The following PATL2 variants were observed in gnomAD, a reference collection of about 807,000 sequenced individuals.
PATL2 encodes the protein protein PAT1 homolog 2.
Under a neutral mutation model 77.0 loss-of-function variants are expected in PATL2, and 73 were observed. That is an observed-to-expected ratio of 0.95 (90% CI 0.78 to 1.15). PATL2 has a LOEUF of 1.15. Among genes scored for constraint, PATL2 ranks in the 50% most tolerant of loss-of-function variants. The probability of loss-of-function intolerance (pLI) is 0.00; values close to 1 mark genes in which losing one functional copy is unlikely to be tolerated. For missense variants in PATL2, 618 were observed against 655.4 expected, an observed-to-expected ratio of 0.94 and a Z score of 0.62; for synonymous variants, 265 against 257.1, an observed-to-expected ratio of 1.03 and a Z score of -0.29.
intron 3 of PATL2, among the ~76,000 whole-genome samples, chr15:44,691,660 CAA>C (rs551878031): frequency 1.3e-4 from 13 of 100,080 alleles, no homozygotes; most frequent in African/African-American, 2.4e-4. Context: ...GACTCTGTCT[CAA>C]AAAAAAAAAA....
At chr15:44,672,558 C>G (rs1179311075) in intron 7 of PATL2, 102 bp from the exon 8 acceptor site, 6 of 1,184,898 alleles carry the variant, frequency 5.1e-6, no homozygotes, top group Non-Finnish European at 7.2e-6. Context: ...ATCTAAGGAA[C>G]CTTATCTGTT....
rs2085341993 is a variant in PATL2, at chr15:44,665,861, C to T, written c.*92G>A. On this transcript the variant is annotated 3_prime_UTR_variant, in exon 18 of 18. Coordinates refer to ENST00000682850, the MANE Select transcript of PATL2 (RefSeq NM_001387263.1). ...CAATATATAAAGGCATAAGAAATGT[C>T]TTCAGACTCTCTGGATCCCTGTAAA... 5 of 1,549,158 alleles carry T rather than the reference C, an allele frequency of 3.2e-6. No homozygotes were observed. Among genetic ancestry groups the T allele is most frequent in the Non-Finnish European group, 4.4e-6 (5 of 1,146,006 alleles).
Position 44,711,279 on chromosome 15 carries a change from C to A in PATL2, c.-513G>T. The A allele has an allele frequency of 5.1e-6, 3 of 588,490 alleles. No individual in the cohort carries two copies. In the East Asian group the frequency reaches 8.6e-5, roughly 17 times the overall value. The allele number at this position is 588,490 out of a possible 1,614,324, so 36.5% of individuals were successfully genotyped here. A position where few individuals can be genotyped will look rare whatever the true frequency, so the allele number is the denominator to read the frequency against. ...TAGAATGAGCGCCCGGTGTCCCAAG[C>A]TGGGGCGCGCACCCCAGATCGGAGG... On this transcript the variant is annotated 5_prime_UTR_variant, in exon 1 of 18. Coordinates refer to ENST00000682850, the MANE Select transcript of PATL2 (RefSeq NM_001387263.1).
chr15:44,700,944 A>G (rs1424452765), intron 3 of PATL2, among the ~76,000 whole-genome samples: 1 of 152,052 alleles, frequency 6.6e-6, no homozygotes, highest in Non-Finnish European at 1.5e-5. Context: ...TGTTCCTTCT[A>G]TGTCCAGTTT....
chr15:44,669,922 C>G, intron 10 of PATL2, 45 bp downstream of exon 10: 2 of 1,550,360 alleles, frequency 1.3e-6, no homozygotes, highest in Non-Finnish European at 1.7e-6. Context: ...ACACTCTGTC[C>G]ACCCAGATGC....
At chr15:44,675,994 C>A in intron 4 of PATL2, 1 of 412,586 alleles carries the variant, frequency 2.4e-6, no homozygotes, top group South Asian at 3.6e-5. Flanking sequence ...TCAGCCTGGG[C>A]AACACAGTGA....
Position 44,675,549 on chromosome 15 carries a change from G to A in PATL2, c.159C>T (p.Asp53=), listed in dbSNP as rs1463489623. 58 of 1,551,730 alleles carry A rather than the reference G, an allele frequency of 3.7e-5. No homozygotes were observed. Among genetic ancestry groups the A allele is most frequent in the Non-Finnish European group, 5.0e-5 (57 of 1,147,030 alleles). The change falls in exon 5 of 18, where the codon GAC becomes GAT. Residue 53 remains aspartate (D), a synonymous_variant. Coordinates refer to ENST00000682850, the MANE Select transcript of PATL2 (RefSeq NM_001387263.1). ...CAAGATCATTCTCTTCCTCCTCTAGGTCTGGGTCCAGATCTGGGTCCAGAT... is the reference window on the plus strand; with the variant it reads ...CAAGATCATTCTCTTCCTCCTCTAGATCTGGGTCCAGATCTGGGTCCAGAT... ...EEDLDPDLDP[D]LEEEENDLGD...
intron 9 of PATL2, among the ~76,000 whole-genome samples, chr15:44,671,259 C>T (rs1347688330): frequency 2.6e-5 from 4 of 152,066 alleles, no homozygotes; most frequent in South Asian, 2.1e-4. Context: ...GAGGCCGAGG[C>T]GGGTGGATCA....
chr15:44,681,979 C>T (rs1345030283), intron 3 of PATL2, among the ~76,000 whole-genome samples: 2 of 152,144 alleles, frequency 1.3e-5, no homozygotes, highest in African/African-American at 4.8e-5. Flanking sequence ...AGCCTTCTCT[C>T]GTAATCGCTG....
intron 3 of PATL2, among the ~76,000 whole-genome samples, chr15:44,705,416 A>G (rs2141272051): frequency 6.6e-6 from 1 of 152,232 alleles, no homozygotes; most frequent in East Asian, 1.9e-4. Flanking sequence ...TCCTGACCTC[A>G]TGATCTGCCC....
Position 44,667,109 on chromosome 15 carries a change from G to C in PATL2, c.1460C>G (p.Ala487Gly). 1 of 1,550,056 alleles carries C rather than the reference G, an allele frequency of 6.5e-7. No homozygotes were observed. Among genetic ancestry groups the C allele is most frequent in the East Asian group, 2.4e-5 (1 of 40,914 alleles). Reference protein sequence around the residue: ...SLEEPNSDHTAWTDMVVLIAW... With the variant: ...SLEEPNSDHTGWTDMVVLIAW... ...TACAAGGCCTTTATGATCTTACCAAGCTGTATGGTCACTGTTGGGTTCCTC... is the reference window on the plus strand; with the variant it reads ...TACAAGGCCTTTATGATCTTACCAACCTGTATGGTCACTGTTGGGTTCCTC... Residue 487 changes from alanine to glycine, a missense_variant, in exon 16 of 18, where the codon GCT (alanine) becomes GGT (glycine). Coordinates refer to ENST00000682850, the MANE Select transcript of PATL2 (RefSeq NM_001387263.1).
intron 3 of PATL2, among the ~76,000 whole-genome samples, chr15:44,708,629 A>G (rs537887988): frequency 1.3e-5 from 2 of 152,208 alleles, no homozygotes; most frequent in Non-Finnish European, 2.9e-5. Flanking sequence ...TACATGTATC[A>G]ACAGTTTATT....
chr15:44,693,360 G>A (rs1278041349), intron 3 of PATL2, among the ~76,000 whole-genome samples: 1 of 152,140 alleles, frequency 6.6e-6, no homozygotes, highest in Non-Finnish European at 1.5e-5. Flanking sequence ...CATGTCTTTG[G>A]CTTTTCCACC....
intron 3 of PATL2, among the ~76,000 whole-genome samples, chr15:44,709,880 G>T (rs1161069570): frequency 6.6e-6 from 1 of 152,012 alleles, no homozygotes; most frequent in Non-Finnish European, 1.5e-5. Flanking sequence ...AACTTCTAAG[G>T]CACTTTTCTA....
chr15:44,673,775 A>T (rs1251910157), intron 6 of PATL2, among the ~76,000 whole-genome samples: 1 of 152,128 alleles, frequency 6.6e-6, no homozygotes, highest in Non-Finnish European at 1.5e-5. Context: ...TCCCTGAAGG[A>T]TATCCTGGTT....
Position 44,675,480 on chromosome 15 carries a change from T to C in PATL2, c.222+6A>G, listed in dbSNP as rs1159983513. 1 of 1,550,268 alleles carries C rather than the reference T, an allele frequency of 6.5e-7. No individual in the cohort carries two copies. The highest frequency in any genetic ancestry group is 2.0e-5 in the Admixed American group (1 of 50,940). ...AACCCTCTCCCATTCCCTTCTGCCA[T>C]GGTACCTGGGTGTTGTGGACAGCAC... is the stretch of plus-strand genomic sequence containing the variant. On this transcript the variant is annotated splice_donor_region_variant and intron_variant, in intron 5 of 17. Transcript: ENST00000682850.
At chr15:44,675,900 A>G in intron 4 of PATL2, 2 of 548,566 alleles carry the variant, frequency 3.6e-6, no homozygotes, top group Non-Finnish European at 6.4e-6. Flanking sequence ...ATGGAACCTG[A>G]GCCAGGTGTG....
At chr15:44,710,748 G>C (rs1345348008) in intron 2 of PATL2, among the ~76,000 whole-genome samples, 123 bp downstream of exon 2, 3 of 152,138 alleles carry the variant, frequency 2.0e-5, no homozygotes, top group Non-Finnish European at 2.9e-5. Flanking sequence ...TGGAAACTAA[G>C]AGAATGATGT....
upstream of PATL2, chr15:44,711,353 T>A: frequency 1.4e-6 from 1 of 692,192 alleles, no homozygotes. Flanking sequence ...CATGCCTTCT[T>A]AAACATCACG....
Sources: allele counts gnomAD v4.1 joint callset (sites outside exome capture counted in the v4.1 genomes callset), GRCh38; gene constraint gnomAD v4.1.1; transcripts MANE v1.5; gene names NCBI Gene and HGNC (gene_info 2026-07-23, HGNC 2026-07-21).